The following TMEM131 variants were observed in gnomAD, a reference collection of about 807,000 sequenced individuals.
TMEM131 encodes the protein 2610524E03Rik.
TMEM131 carries 66 observed loss-of-function variants against 211.6 expected under a neutral mutation model. That is an observed-to-expected ratio of 0.31 (90% CI 0.26 to 0.38). The LOEUF (loss-of-function observed/expected upper bound fraction) is 0.38. TMEM131 is among the 10% of genes least tolerant of loss of function. The pLI, the probability that TMEM131 is intolerant of heterozygous loss-of-function variation, is 1.00. For synonymous variants in TMEM131, 844 were observed against 841.3 expected (o/e 1.00, Z -0.06); for missense variants, 2,036 against 2,299.3 (o/e 0.89, Z 2.34).
At chr2:97,830,132 TAAAA>T (rs60531384) in intron 11 of TMEM131, among the ~76,000 whole-genome samples, 4 of 72,320 alleles carry the variant, frequency 5.5e-5, no homozygotes, top group East Asian at 3.4e-4. Context: ...CATTATCAGT[TAAAA>T]AAAAAAAAAA....
At chr2:97,960,980 T>C (rs530563497) in intron 1 of TMEM131, among the ~76,000 whole-genome samples, 1 of 152,220 alleles carries the variant, frequency 6.6e-6, no homozygotes, top group Non-Finnish European at 1.5e-5. Context: ...AATTCACCAA[T>C]TCATGATGAA....
chr2:97,967,928 G>T (rs1048197173), intron 1 of TMEM131, among the ~76,000 whole-genome samples: 1 of 151,504 alleles, frequency 6.6e-6, no homozygotes, highest in African/African-American at 2.4e-5. Context: ...AAGGTGGGAG[G>T]CACAGAAGAA....
At chr2:97,908,447 CAG>C (rs1053635392) in intron 3 of TMEM131, among the ~76,000 whole-genome samples, 3 of 152,146 alleles carry the variant, frequency 2.0e-5, no homozygotes, top group African/African-American at 7.2e-5. Flanking sequence ...TCGTACACGA[CAG>C]GGGAGGCATG....
intron 3 of TMEM131, among the ~76,000 whole-genome samples, chr2:97,888,880 G>C (rs1304967916): frequency 6.6e-6 from 1 of 152,184 alleles, no homozygotes; most frequent in Non-Finnish European, 1.5e-5. Flanking sequence ...AGTAGATTTT[G>C]ATGTTTTTGT....
intron 1 of TMEM131, among the ~76,000 whole-genome samples, chr2:97,966,806 C>A (rs186151161): frequency 2.6e-5 from 4 of 152,278 alleles, no homozygotes; most frequent in African/African-American, 9.6e-5. Flanking sequence ...AGGAAGCTGA[C>A]ACATGAGGAC....
intron 6 of TMEM131, among the ~76,000 whole-genome samples, chr2:97,842,516 T>TA (rs1559395164): frequency 2.3e-4 from 14 of 61,344 alleles, no homozygotes; most frequent in African/African-American, 7.1e-4. Flanking sequence ...ATAAAAAGAT[T>TA]TAAAAAAAAA....
intron 5 of TMEM131, among the ~76,000 whole-genome samples, chr2:97,857,713 T>C (rs947426571): frequency 6.6e-5 from 10 of 152,162 alleles, no homozygotes; most frequent in African/African-American, 2.4e-4. Context: ...TGAAGTGTAA[T>C]ATGATATAAA....
At chr2:97,857,239 T>C (rs1673885221) in intron 5 of TMEM131, among the ~76,000 whole-genome samples, 1 of 152,196 alleles carries the variant, frequency 6.6e-6, no homozygotes, top group Non-Finnish European at 1.5e-5. Flanking sequence ...GAACTGCACA[T>C]GGGCTTAGAC....
intron 2 of TMEM131, among the ~76,000 whole-genome samples, chr2:97,910,460 T>C (rs567173712): frequency 6.6e-6 from 1 of 152,196 alleles, no homozygotes; most frequent in African/African-American, 2.4e-5. Flanking sequence ...TTCACAACCA[T>C]TAAGGGGTAG....
At chr2:97,939,425 A>G (rs556889399) in intron 1 of TMEM131, among the ~76,000 whole-genome samples, 8 of 152,358 alleles carry the variant, frequency 5.3e-5, no homozygotes, top group Admixed American at 2.6e-4. Flanking sequence ...GAAAATCTAG[A>G]AGAAATGGAT....
At position 97,780,350 on chromosome 2, in the gene TMEM131, A is replaced by G. The variant is rs144547072; in HGVS notation, c.4145-4332T>C. On this transcript the variant is annotated intron_variant, in intron 31 of 40. Transcript: ENST00000186436. ...TCAAATGCCTTTCTCATGCACCTCC[A>G]CTGCCACTCCCTGAGCCCAGGGCTT... Among the ~76,000 whole-genome samples the G allele has an allele frequency of 1.4e-3, 218 of 152,166 alleles. 1 individual carries two copies. The highest frequency in any genetic ancestry group is 2.1e-3 in the Non-Finnish European group (142 of 68,002).
chr2:97,757,101 A>T lies in TMEM131; in HGVS notation c.5650T>A (p.Ter1884LysextTer16), dbSNP rs1171054218. ...TGTTTGTTTGTTTTTTGCTTAATTT[A>T]ATTCTCGTGAGGAAAGTGCGAATTA... Reference protein sequence around the residue: ...WSNSHFPHEN* With the variant: ...WSNSHFPHENK The change falls in exon 41 of 41, where the codon TAA becomes AAA. Residue 1884 changes from the stop codon to lysine, a stop_lost. Coordinates refer to ENST00000186436, the MANE Select transcript of TMEM131 (RefSeq NM_015348.2). 2.5e-6 allele frequency: 4 copies of T among 1,581,156 alleles called. No individual in the cohort carries two copies. In the Admixed American group the frequency reaches 7.2e-5, roughly 29 times the overall value.
At chr2:97,814,162 A>G (rs745844047) in intron 14 of TMEM131, 21 bp from the exon 15 acceptor site, 2 of 1,612,368 alleles carry the variant, frequency 1.2e-6, no homozygotes, top group Non-Finnish European at 8.5e-7. Context: ...ACAGAAGAGA[A>G]AAAAAACAAA....
intron 6 of TMEM131, among the ~76,000 whole-genome samples, chr2:97,842,479 G>A (rs766475378): frequency 5.3e-5 from 8 of 151,758 alleles, no homozygotes; most frequent in Non-Finnish European, 1.0e-4. Flanking sequence ...AACTTACATC[G>A]TAGTATTGGA....
At chr2:97,902,590 T>A (rs1675901170) in intron 3 of TMEM131, among the ~76,000 whole-genome samples, 1 of 152,078 alleles carries the variant, frequency 6.6e-6, no homozygotes, top group African/African-American at 2.4e-5. Context: ...TTACTAAGAG[T>A]CTAGAGATAA....
At chr2:97,758,795 T>A (rs1349403608) in intron 40 of TMEM131, 98 bp downstream of exon 40, 2 of 1,462,362 alleles carry the variant, frequency 1.4e-6, no homozygotes, top group African/African-American at 2.8e-5. Flanking sequence ...CTGCTGTTTG[T>A]TGTTTATAAC....
intron 1 of TMEM131, among the ~76,000 whole-genome samples, chr2:97,979,395 CT>C (rs1324485223): frequency 6.6e-6 from 1 of 152,220 alleles, no homozygotes; most frequent in African/African-American, 2.4e-5. Context: ...AAGATGGCAT[CT>C]TCCAAAAGAA....
At chr2:97,812,386 TC>T in intron 17 of TMEM131, 34 bp downstream of exon 17, 1 of 1,578,274 alleles carries the variant, frequency 6.3e-7, no homozygotes, top group African/African-American at 1.4e-5. Flanking sequence ...TAGACATCCA[TC>T]TTACTTTAAG....
In TMEM131 at chr2:97,756,911, T is replaced by G; in HGVS notation, c.*188A>C. The stretch of plus-strand genomic sequence containing the variant: ...TCTAAAAGCACAACAGCAAATCTCA[T>G]GTTATCATAATTGCAAGAAAGATCT... On this transcript the variant is annotated 3_prime_UTR_variant, in exon 41 of 41. Coordinates refer to ENST00000186436, the MANE Select transcript of TMEM131 (RefSeq NM_015348.2). 3 of 615,714 alleles carry G rather than the reference T, an allele frequency of 4.9e-6. No individual in the cohort carries two copies. The highest frequency in any genetic ancestry group is 3.1e-5 in the East Asian group (1 of 31,824). The allele number at this position is 615,714 out of a possible 1,614,324, so 38.1% of individuals were successfully genotyped here.
Sources: allele counts gnomAD v4.1 joint callset (sites outside exome capture counted in the v4.1 genomes callset), GRCh38; gene constraint gnomAD v4.1.1; transcripts MANE v1.5; gene names NCBI Gene and HGNC (gene_info 2026-07-23, HGNC 2026-07-21).